The following LIG1 variants were observed in gnomAD, a reference collection of about 807,000 sequenced individuals.
The protein encoded by LIG1 is ligase I, DNA, ATP-dependent.
In LIG1, 70 loss-of-function variants were observed where a neutral mutation model predicts 115.7. The ratio of observed to expected loss-of-function variants is 0.60; its 90% confidence interval spans 0.50 to 0.74. LIG1 has a LOEUF of 0.74. Among genes scored for constraint, LIG1 ranks in the 30% least tolerant of loss-of-function variants. The pLI is 0.00. For missense variants in LIG1, 1,115 were observed against 1,225.6 expected, an observed-to-expected ratio of 0.91 and a Z score of 1.35; for synonymous variants, 487 against 495.3, an observed-to-expected ratio of 0.98 and a Z score of 0.22.
chr19:48,161,215 G>C lies in LIG1; in HGVS notation c.243+157C>G. ...GAGGTCCTAGGGCAGGGGCAATTAG[G>C]ACCAGGTTGTGTCTGCCCCCGACAC... is the stretch of plus-strand genomic sequence containing the variant. On this transcript the variant is annotated intron_variant, in intron 4 of 27. Transcript: ENST00000263274. 3 of 1,074,712 alleles carry C rather than the reference G, an allele frequency of 2.8e-6. No individual in the cohort carries two copies. The South Asian group carries it at 4.0e-5, about 14-fold the overall frequency. The allele number at this position is 1,074,712 out of a possible 1,614,324, so 66.6% of individuals were successfully genotyped here.
rs377224439 is a variant in LIG1 at position 48,153,852 on chromosome 19, C to G, written c.466+20G>C. ...CACACACACACACACACACACACTTCTCTCCTTCTGGGGGCTCACCTTCCT... is the reference window on the plus strand; with the variant it reads ...CACACACACACACACACACACACTTGTCTCCTTCTGGGGGCTCACCTTCCT... On this transcript the variant is annotated intron_variant, in intron 6 of 27. Coordinates refer to ENST00000263274, the MANE Select transcript of LIG1 (RefSeq NM_000234.3). 1 of 1,394,840 alleles carries G rather than the reference C, an allele frequency of 7.2e-7. No homozygotes were observed. Among genetic ancestry groups the G allele is most frequent in the African/African-American group, 1.5e-5 (1 of 64,704 alleles). The allele number at this position is 1,394,840 out of a possible 1,614,324, so 86.4% of individuals were successfully genotyped here.
chr19:48,164,844 A>C (rs1407747024), intron 2 of LIG1, among the ~76,000 whole-genome samples: 2 of 152,168 alleles, frequency 1.3e-5, no homozygotes, highest in Non-Finnish European at 2.9e-5. Flanking sequence ...GTTGGGCCTG[A>C]TGGTTCTGTG....
At chr19:48,146,535 C>A (rs2035123002) in intron 9 of LIG1, among the ~76,000 whole-genome samples, 1 of 152,172 alleles carries the variant, frequency 6.6e-6, no homozygotes, top group South Asian at 2.1e-4. Context: ...ACAAAAGTAG[C>A]CGGGCATGGT....
At chr19:48,166,261 G>A (rs2036476756) in intron 1 of LIG1, among the ~76,000 whole-genome samples, 1 of 152,206 alleles carries the variant, frequency 6.6e-6, no homozygotes, top group Non-Finnish European at 1.5e-5. Context: ...GCCAGGTGCG[G>A]TGGCACGCGC....
intron 21 of LIG1, 43 bp downstream of exon 21, chr19:48,127,234 C>T: frequency 2.0e-6 from 3 of 1,532,860 alleles, no homozygotes; most frequent in Non-Finnish European, 2.7e-6. Flanking sequence ...ACACCCCACC[C>T]CGTCACCCCT....
intron 6 of LIG1, among the ~76,000 whole-genome samples, chr19:48,151,595 AT>A (rs1211155959): frequency 6.6e-6 from 1 of 151,822 alleles, no homozygotes; most frequent in Non-Finnish European, 1.5e-5. Context: ...ACATCCAGCT[AT>A]TTTTTTGTAT....
At chr19:48,120,997 T>C (rs1355721298) in intron 24 of LIG1, 173 bp downstream of exon 24, 2 of 1,489,720 alleles carry the variant, frequency 1.3e-6, no homozygotes, top group Non-Finnish European at 1.8e-6. Flanking sequence ...TGTTTTTCTA[T>C]ATGAAGCAAG....
intron 18 of LIG1, among the ~76,000 whole-genome samples, 193 bp downstream of exon 18, chr19:48,132,789 T>TGAAAAAAAA (rs2034114610): frequency 2.9e-5 from 1 of 34,304 alleles, no homozygotes; most frequent in African/African-American, 4.0e-4. Flanking sequence ...AGACTCTGTC[T>TGAAAAAAAA]CAAAAAAAAA....
At chr19:48,163,831 G>A (rs1568557570) in intron 2 of LIG1, among the ~76,000 whole-genome samples, 2 of 151,644 alleles carry the variant, frequency 1.3e-5, no homozygotes, top group Non-Finnish European at 2.9e-5. Flanking sequence ...TGTAGTCCCA[G>A]CTACTCAGGA....
At chr19:48,135,571 A>G (rs893813860) in intron 16 of LIG1, 109 bp downstream of exon 16, 1 of 874,862 alleles carries the variant, frequency 1.1e-6, no homozygotes, top group Non-Finnish European at 2.0e-6. Flanking sequence ...GGCACTCGTG[A>G]TGCCTGTCCG....
At chr19:48,136,365 C>G (rs2034390884) in intron 14 of LIG1, among the ~76,000 whole-genome samples, 1 of 152,188 alleles carries the variant, frequency 6.6e-6, no homozygotes, top group Admixed American at 6.5e-5. Context: ...CAAGTAGGTG[C>G]ACCAGCACCT....
At position 48,151,262 on chromosome 19, in the gene LIG1, TG is replaced by T; in HGVS notation, c.543del (p.Thr182ProfsTer7). 6.2e-7 allele frequency: 1 copy of T among 1,613,632 alleles called. No individual in the cohort carries two copies. The highest frequency in any genetic ancestry group is 8.5e-7 in the Non-Finnish European group (1 of 1,179,680). On this transcript the variant is annotated frameshift_variant, in exon 7 of 28. Coordinates refer to ENST00000263274, the MANE Select transcript of LIG1 (RefSeq NM_000234.3). LOFTEE classifies it high-confidence loss of function. ...TEKEGEDGDQ[P>X]TTPPKPLKTS... ...GTCTTTAGGGGCTTGGGAGGCGTGGTGGGCTGGTCCCCGTCTTCTCCTTCCT... is the reference window on the plus strand; with the variant it reads ...GTCTTTAGGGGCTTGGGAGGCGTGGTGGCTGGTCCCCGTCTTCTCCTTCCT...
chr19:48,143,513 C>T, intron 11 of LIG1, 30 bp downstream of exon 11: 12 of 535,558 alleles, frequency 2.2e-5, no homozygotes, highest in Non-Finnish European at 2.9e-5. Context: ...AGCGACCCCG[C>T]CCCCCACCCA....
intron 15 of LIG1, 112 bp from the exon 16 acceptor site, chr19:48,135,891 G>GCCCCCCCCCCC: frequency 1.1e-6 from 1 of 928,764 alleles, no homozygotes; most frequent in Non-Finnish European, 1.7e-6. Context: ...GGCCCAAGAC[G>GCCCCCCCCCCC]CCCCCTCCCC....
rs1038863754 is a variant in LIG1 at position 48,137,880 on chromosome 19, G to T, written c.1088-192C>A. The T allele has an allele frequency of 7.4e-6, 5 of 672,670 alleles. No homozygotes were observed. The highest frequency in any genetic ancestry group is 1.8e-5 in the African/African-American group (1 of 56,026). 41.7% of individuals were successfully genotyped at this position (672,670 alleles called of 1,614,324 possible). ...CGTGCCCCCAGCCACGCTGGCTGTA[G>T]GAAGTCAGCAAACATGCACGTGGAG... On this transcript the variant is annotated intron_variant, in intron 12 of 27. Transcript: ENST00000263274. The surrounding 1 kb of genome is among the most constrained non-coding windows in gnomAD (Gnocchi z 4.3).
intron 19 of LIG1, among the ~76,000 whole-genome samples, chr19:48,129,052 G>A (rs1038202461): frequency 4.0e-5 from 6 of 150,082 alleles, no homozygotes; most frequent in Middle Eastern, 3.5e-3. Flanking sequence ...GAGCCACCAC[G>A]CCTGGCCTCT....
chr19:48,158,762 C>T (rs916440527), intron 4 of LIG1, among the ~76,000 whole-genome samples: 4 of 152,196 alleles, frequency 2.6e-5, no homozygotes, highest in African/African-American at 4.8e-5. Flanking sequence ...TGATCAGAGA[C>T]CCTGGCATCT....
intron 16 of LIG1, among the ~76,000 whole-genome samples, chr19:48,135,422 G>A (rs1345951720): frequency 2.0e-5 from 3 of 152,102 alleles, no homozygotes; most frequent in Admixed American, 6.6e-5. Flanking sequence ...GTGCCTGGCC[G>A]CTGCCAGCGT....
intron 24 of LIG1, 66 bp downstream of exon 24, chr19:48,121,104 G>A: frequency 6.2e-7 from 1 of 1,612,806 alleles, no homozygotes; most frequent in Non-Finnish European, 8.5e-7. Context: ...TGTGCAATAG[G>A]AAATACCCCC....
Sources: gnomAD v4.1 joint callset for allele counts (sites outside exome capture counted in the v4.1 genomes callset) on GRCh38, gnomAD v4.1.1 for gene constraint, Gnocchi (gnomAD v3.1) non-coding constraint, MANE v1.5 for transcripts, NCBI Gene and HGNC (gene_info 2026-07-23, HGNC 2026-07-21) for gene names.